SMYD3: variants seen among roughly 807,000 people sequenced by gnomAD.
SMYD3 encodes the protein histone-lysine N-methyltransferase SMYD3.
In SMYD3, 36 loss-of-function variants were observed where a neutral mutation model predicts 57.7. The observed-to-expected ratio is 0.62, with a 90% CI of 0.48 to 0.82. SMYD3 has a LOEUF of 0.82. Ranked by LOEUF, SMYD3 falls within the 40% of genes least tolerant of loss-of-function variation. SMYD3 has a pLI of 0.00. For synonymous variants in SMYD3, 211 were observed against 195.0 expected (o/e 1.08, Z -0.68); for missense variants, 515 against 538.8 (o/e 0.96, Z 0.44).
intron 5 of SMYD3, among the ~76,000 whole-genome samples, chr1:246,262,195 T>C (rs1449411688): frequency 6.6e-6 from 1 of 152,212 alleles, no homozygotes; most frequent in Non-Finnish European, 1.5e-5. Flanking sequence ...TTTTTGTGTG[T>C]GTGTTTTCTT....
intron 10 of SMYD3, among the ~76,000 whole-genome samples, chr1:245,798,454 GCACACACATA>G (rs1347793035): frequency 1.8e-3 from 9 of 4,902 alleles, no homozygotes; most frequent in Admixed American, 3.3e-3. Context: ...ATAAAAATAT[GCACACACATA>G]CACACACATA....
chr1:245,995,418 A>G (rs1244181788), intron 5 of SMYD3, among the ~76,000 whole-genome samples: 1 of 152,250 alleles, frequency 6.6e-6, no homozygotes, highest in Non-Finnish European at 1.5e-5. Context: ...GAGAACAGTA[A>G]CAAATGCCTG....
chr1:245,817,480 A>C (rs976967390), intron 10 of SMYD3, among the ~76,000 whole-genome samples: 98 of 151,978 alleles, frequency 6.4e-4, no homozygotes, highest in South Asian at 2.9e-3. Context: ...AACTCTAAAA[A>C]GCAGAGCACC....
chr1:246,394,700 TAA>T (rs957879809), intron 1 of SMYD3, among the ~76,000 whole-genome samples: 6 of 152,058 alleles, frequency 3.9e-5, no homozygotes, highest in African/African-American at 1.2e-4. Flanking sequence ...CTTTATGATA[TAA>T]GAGAGGCTCC....
chr1:245,920,095 C>G lies in SMYD3; in HGVS notation c.703-4455G>C, dbSNP rs373951698. On this transcript the variant is annotated intron_variant, in intron 7 of 11. Transcript: ENST00000490107. ...TTGGGAGGCCAAGGCGGTAGGATCA[C>G]GAGGTCAGGAGATTGAGACCATCCT... is the stretch of plus-strand genomic sequence containing the variant. Among the ~76,000 whole-genome samples, 22 of 152,158 alleles carry G rather than the reference C, an allele frequency of 1.4e-4. No individual in the cohort carries two copies. The South Asian group carries it at 4.6e-3, about 32-fold the overall frequency.
intron 5 of SMYD3, among the ~76,000 whole-genome samples, chr1:246,066,652 T>G (rs2060345018): frequency 6.6e-6 from 1 of 152,182 alleles, no homozygotes; most frequent in Admixed American, 6.5e-5. Context: ...ACCTGATAGA[T>G]CAATGTTTTA....
At chr1:245,949,795 T>C (rs1017322770) in intron 5 of SMYD3, among the ~76,000 whole-genome samples, 2 of 151,288 alleles carry the variant, frequency 1.3e-5, no homozygotes, top group African/African-American at 4.9e-5. Context: ...GGCAACAGAG[T>C]GAGACCCTGT....
At chr1:246,472,688 G>A (rs1050786762) in intron 1 of SMYD3, among the ~76,000 whole-genome samples, 1 of 151,840 alleles carries the variant, frequency 6.6e-6, no homozygotes, top group Non-Finnish European at 1.5e-5. Flanking sequence ...AGGCTACCCC[G>A]AGCCATGATC....
chr1:245,858,730 A>C (rs2051383324), intron 9 of SMYD3, 60 bp from the exon 10 acceptor site: 15 of 1,552,200 alleles, frequency 9.7e-6, no homozygotes, highest in Non-Finnish European at 1.3e-5. Flanking sequence ...AAACAAAATT[A>C]GATTCTCTAA....
chr1:245,856,663 C>A (rs1344364836), intron 10 of SMYD3, among the ~76,000 whole-genome samples: 1 of 152,136 alleles, frequency 6.6e-6, no homozygotes, highest in Non-Finnish European at 1.5e-5. Flanking sequence ...AGAACAGACA[C>A]CCGTGTAGGT....
intron 5 of SMYD3, among the ~76,000 whole-genome samples, chr1:245,938,637 C>T (rs189720728): frequency 4.6e-5 from 7 of 152,262 alleles, no homozygotes; most frequent in Non-Finnish European, 1.0e-4. Context: ...ATAATTCTTC[C>T]CCTTCTTCTT....
At chr1:246,002,821 C>T (rs933791321) in intron 5 of SMYD3, among the ~76,000 whole-genome samples, 23 of 152,028 alleles carry the variant, frequency 1.5e-4, no homozygotes, top group Admixed American at 1.4e-3. Flanking sequence ...GCAATCATCG[C>T]TCACCGCAGC....
intron 5 of SMYD3, among the ~76,000 whole-genome samples, chr1:246,167,512 C>CTTTT (rs199801290): frequency 2.2e-5 from 3 of 137,822 alleles, no homozygotes; most frequent in African/African-American, 8.0e-5. Context: ...GTTTTTTTTT[C>CTTTT]TTTTTTTTTT....
intron 1 of SMYD3, among the ~76,000 whole-genome samples, chr1:246,395,899 C>A (rs2066663280): frequency 6.6e-6 from 1 of 152,146 alleles, no homozygotes; most frequent in Non-Finnish European, 1.5e-5. Context: ...TGAATAAGAA[C>A]AAGAAAATCA....
chr1:246,238,954 G>A (rs1222415381), intron 5 of SMYD3, among the ~76,000 whole-genome samples: 5 of 147,602 alleles, frequency 3.4e-5, no homozygotes, highest in Admixed American at 6.8e-5. Context: ...CTGGAGAGAC[G>A]AACTGTGCAA....
chr1:246,124,877 T>C (rs2061481703), intron 5 of SMYD3, among the ~76,000 whole-genome samples: 1 of 151,906 alleles, frequency 6.6e-6, no homozygotes, highest in Non-Finnish European at 1.5e-5. Context: ...GTCAGGAGAT[T>C]GAGACCACGG....
chr1:245,785,644 C>CGAGAGAGAGAGA (rs59644890), intron 10 of SMYD3, among the ~76,000 whole-genome samples: 1 of 149,376 alleles, frequency 6.7e-6, no homozygotes, highest in African/African-American at 2.5e-5. Context: ...AGAGAGCGAG[C>CGAGAGAGAGAGA]GAGAGAGAGA....
intron 5 of SMYD3, among the ~76,000 whole-genome samples, chr1:246,226,422 A>G (rs2063331374): frequency 6.6e-6 from 1 of 152,256 alleles, no homozygotes; most frequent in South Asian, 2.1e-4. Flanking sequence ...ATGAGACCTA[A>G]GATATATTTT....
At chr1:246,071,131 T>A (rs1016635726) in intron 5 of SMYD3, among the ~76,000 whole-genome samples, 3 of 152,178 alleles carry the variant, frequency 2.0e-5, no homozygotes, top group African/African-American at 7.2e-5. Context: ...CCATATGTAA[T>A]AAACATAGAT....
Sources: allele counts gnomAD v4.1 joint callset (sites outside exome capture counted in the v4.1 genomes callset), GRCh38; gene constraint gnomAD v4.1.1; transcripts MANE v1.5; gene names NCBI Gene and HGNC (gene_info 2026-07-23, HGNC 2026-07-21).